Variants in PATJ observed in about 807,000 individuals in gnomAD.
The protein encoded by PATJ is PATJ crumbs cell polarity complex component, also known as inaD-like protein.
In PATJ, 190 loss-of-function variants were observed where a neutral mutation model predicts 224.9. That is an observed-to-expected ratio of 0.84 (90% CI 0.75 to 0.95). PATJ has a LOEUF of 0.95. PATJ is among the 40% of genes least tolerant of loss of function. The pLI, the probability that PATJ is intolerant of heterozygous loss-of-function variation, is 0.00. For synonymous variants in PATJ, 769 were observed against 820.3 expected (o/e 0.94, Z 1.07); for missense variants, 2,121 against 2,270.3 (o/e 0.93, Z 1.34).
intron 15 of PATJ, among the ~76,000 whole-genome samples, chr1:61,825,027 G>T (rs529844011): frequency 6.6e-6 from 1 of 152,284 alleles, no homozygotes; most frequent in East Asian, 1.9e-4. Context: ...AGCCACTTTT[G>T]GTCTGAATTG....
At chr1:61,842,134 C>G (rs1466294792) in intron 17 of PATJ, among the ~76,000 whole-genome samples, 1 of 152,032 alleles carries the variant, frequency 6.6e-6, no homozygotes, top group Non-Finnish European at 1.5e-5. Flanking sequence ...GACTGACTTC[C>G]AAAAACCTCA....
chr1:62,036,879 A>AAAAAAAAAAAAAAAAAAAAAAAAAAAAG (rs1558074944), intron 29 of PATJ, among the ~76,000 whole-genome samples: 3 of 149,846 alleles, frequency 2.0e-5, no homozygotes, highest in Non-Finnish European at 4.5e-5. Context: ...CTCAAAAAAA[A>AAAAAAAAAAAAAAAAAAAAAAAAAAAAG]AAGAAGGAAG....
At chr1:61,892,503 AC>A (rs971002550) in intron 22 of PATJ, among the ~76,000 whole-genome samples, 26 of 151,902 alleles carry the variant, frequency 1.7e-4, no homozygotes, top group African/African-American at 6.0e-4. Context: ...ATCTCCACCC[AC>A]CCCCCCAAAT....
rs189087394 is a variant in PATJ at position 61,883,686 on chromosome 1, G to A, written c.2960-551G>A. Among the ~76,000 whole-genome samples the A allele has an allele frequency of 9.2e-5, 14 of 151,528 alleles. No homozygotes were observed. In the East Asian group the frequency reaches 2.7e-3, roughly 29 times the overall value. ...AGGGAGAACTGTATGAATCCGGGAG[G>A]CGGAGGTTGCAGTGAGTCAAGATCA... On this transcript the variant is annotated intron_variant, in intron 21 of 43. Transcript: ENST00000642238.
chr1:61,998,782 T>C, intron 28 of PATJ, among the ~76,000 whole-genome samples: 1 of 152,188 alleles, frequency 6.6e-6, no homozygotes, highest in Admixed American at 6.5e-5. Context: ...CATTCTTTTT[T>C]GTTTCCTGCT....
chr1:61,797,169 C>G (rs767793111), intron 10 of PATJ, 118 bp from the exon 11 acceptor site: 1 of 1,186,064 alleles, frequency 8.4e-7, no homozygotes, highest in Non-Finnish European at 1.2e-6. Context: ...CCACCACACC[C>G]GGCCTAAATA....
rs1156857107 is a variant in PATJ at position 62,018,899 on chromosome 1, G to A, written c.3959+952G>A. ...GGAGGTAGTTTTATTCCCAGCTTGG[G>A]CACTAACGTGATTGAAATATCCCTT... On this transcript the variant is annotated intron_variant, in intron 29 of 43. Transcript: ENST00000642238. This position sits in a 1 kb window ranked among gnomAD's most constrained non-coding sequence, Gnocchi z 4.2. Among the ~76,000 whole-genome samples, 1 of 152,080 alleles carries A rather than the reference G, an allele frequency of 6.6e-6. No homozygotes were observed. The highest frequency in any genetic ancestry group is 1.5e-5 in the Non-Finnish European group (1 of 68,012).
At chr1:62,046,132 G>T (rs544065578) in intron 30 of PATJ, among the ~76,000 whole-genome samples, 1 of 151,782 alleles carries the variant, frequency 6.6e-6, no homozygotes, top group Non-Finnish European at 1.5e-5. Flanking sequence ...GGCCCAAGAG[G>T]TCGAGGCTTC....
chr1:61,879,231 C>G (rs1310327989), intron 21 of PATJ, among the ~76,000 whole-genome samples: 1 of 152,102 alleles, frequency 6.6e-6, no homozygotes, highest in Non-Finnish European at 1.5e-5. Context: ...AAGTACAGGT[C>G]TCTAACATAG....
chr1:61,750,284 G>A (rs1014677572), intron 1 of PATJ, among the ~76,000 whole-genome samples: 1 of 152,152 alleles, frequency 6.6e-6, no homozygotes, highest in Non-Finnish European at 1.5e-5. Flanking sequence ...TTTGGTAGAT[G>A]GCTTTTAGGC....
intron 14 of PATJ, among the ~76,000 whole-genome samples, chr1:61,813,520 A>G (rs1557691349): frequency 6.6e-6 from 1 of 151,776 alleles, no homozygotes; most frequent in Non-Finnish European, 1.5e-5. Flanking sequence ...CTGTTCATTC[A>G]TTCATCAAAT....
chr1:62,055,374 C>T (rs967609975), intron 31 of PATJ, among the ~76,000 whole-genome samples: 1 of 152,164 alleles, frequency 6.6e-6, no homozygotes, highest in African/African-American at 2.4e-5. Context: ...ATATAATATG[C>T]TCTTTTGAAG....
intron 27 of PATJ, among the ~76,000 whole-genome samples, chr1:61,979,357 A>G (rs1295772405): frequency 1.3e-5 from 2 of 152,044 alleles, no homozygotes; most frequent in South Asian, 2.1e-4. Context: ...CCTTTATAAC[A>G]ACAAAAGACA....
At chr1:62,014,067 C>T (rs1348104609) in intron 28 of PATJ, among the ~76,000 whole-genome samples, 1 of 152,150 alleles carries the variant, frequency 6.6e-6, no homozygotes, top group African/African-American at 2.4e-5. Flanking sequence ...GGCAACCGCA[C>T]CCAGCCCCCC....
chr1:62,028,111 G>C (rs1245467149), intron 29 of PATJ, among the ~76,000 whole-genome samples: 2 of 152,088 alleles, frequency 1.3e-5, no homozygotes, highest in African/African-American at 2.4e-5. Context: ...GAGTTTTATA[G>C]TTTTAGCTCT....
At chr1:61,840,526 A>G (rs2148829527) in intron 17 of PATJ, among the ~76,000 whole-genome samples, 1 of 152,104 alleles carries the variant, frequency 6.6e-6, no homozygotes, top group East Asian at 1.9e-4. Context: ...ATATAAATGG[A>G]TTATATCATA....
chr1:62,094,367 G>C (rs116729050), intron 33 of PATJ, among the ~76,000 whole-genome samples: 9 of 152,000 alleles, frequency 5.9e-5, no homozygotes, highest in Admixed American at 5.9e-4. Flanking sequence ...GCACTCCAGC[G>C]TGGGTGACAA....
chr1:61,976,441 T>C (rs1408394684), intron 27 of PATJ, among the ~76,000 whole-genome samples: 2 of 152,014 alleles, frequency 1.3e-5, no homozygotes, highest in Admixed American at 6.6e-5. Context: ...AGTCTTGCTC[T>C]TGTTGCCCAG....
chr1:61,860,677 C>T (rs947371161), intron 18 of PATJ, among the ~76,000 whole-genome samples: 14 of 151,930 alleles, frequency 9.2e-5, no homozygotes, highest in African/African-American at 2.9e-4. Context: ...AATACAAAAA[C>T]ATTAGCCAGC....
Sources: gnomAD v4.1 joint callset for allele counts (sites outside exome capture counted in the v4.1 genomes callset) on GRCh38, gnomAD v4.1.1 for gene constraint, Gnocchi (gnomAD v3.1) non-coding constraint, MANE v1.5 for transcripts, NCBI Gene and HGNC (gene_info 2026-07-23, HGNC 2026-07-21) for gene names.